COL22A1: variants seen among roughly 807,000 people sequenced by gnomAD.
COL22A1 encodes the protein collagen alpha-1(XXII) chain.
COL22A1 carries 221 observed loss-of-function variants against 248.9 expected under a neutral mutation model. That is an observed-to-expected ratio of 0.89 (90% CI 0.80 to 0.99). The LOEUF (loss-of-function observed/expected upper bound fraction) is 0.99, where lower values mean the gene tolerates loss of function less well. COL22A1 is among the 50% of genes least tolerant of loss of function. The pLI, the probability that COL22A1 is intolerant of heterozygous loss-of-function variation, is 0.00. For synonymous variants in COL22A1, 891 were observed against 793.4 expected (o/e 1.12, Z -2.07); for missense variants, 2,240 against 2,179.0 (o/e 1.03, Z -0.56).
At chr8:138,805,498 T>TGTGATGGTGTGA (rs1454267773) in intron 10 of COL22A1, among the ~76,000 whole-genome samples, 1 of 144,064 alleles carries the variant, frequency 6.9e-6, no homozygotes, top group African/African-American at 2.8e-5. Context: ...TGATGGTGTG[T>TGTGATGGTGTGA]GTGTGTGATG....
chr8:138,870,113 T>C (rs1246457137), intron 3 of COL22A1, among the ~76,000 whole-genome samples: 1 of 151,560 alleles, frequency 6.6e-6, no homozygotes, highest in Non-Finnish European at 1.5e-5. Context: ...GTGTGGAGCA[T>C]GTGTCTGTGT....
chr8:138,897,063 C>G (rs532020182), intron 1 of COL22A1, among the ~76,000 whole-genome samples: 19 of 152,176 alleles, frequency 1.2e-4, no homozygotes, highest in Admixed American at 1.0e-3. Context: ...TGTAAGGCAG[C>G]CTTATCATTC....
chr8:138,679,288 T>C (rs1825788228), intron 40 of COL22A1, among the ~76,000 whole-genome samples: 1 of 152,242 alleles, frequency 6.6e-6, no homozygotes, highest in Non-Finnish European at 1.5e-5. Flanking sequence ...CAGATTTTCC[T>C]GTTATTCTTA....
At chr8:138,808,869 C>T (rs1222099395) in intron 9 of COL22A1, among the ~76,000 whole-genome samples, 1 of 152,202 alleles carries the variant, frequency 6.6e-6, no homozygotes, top group African/African-American at 2.4e-5. Flanking sequence ...CACAAGAGTG[C>T]CTGGTACACA....
intron 47 of COL22A1, among the ~76,000 whole-genome samples, chr8:138,644,569 CA>C (rs1457311079): frequency 6.6e-6 from 1 of 152,054 alleles, no homozygotes; most frequent in Non-Finnish European, 1.5e-5. Context: ...CAGTTTTGGC[CA>C]ACTCACAGAG....
At chr8:138,896,693 C>G (rs1487676904) in intron 1 of COL22A1, among the ~76,000 whole-genome samples, 1 of 152,110 alleles carries the variant, frequency 6.6e-6, no homozygotes, top group Non-Finnish European at 1.5e-5. Context: ...CCATTCAAGG[C>G]CAGACGCGGT....
intron 31 of COL22A1, among the ~76,000 whole-genome samples, 184 bp downstream of exon 31, chr8:138,703,122 G>A (rs1828101844): frequency 6.6e-6 from 1 of 152,194 alleles, no homozygotes; most frequent in Non-Finnish European, 1.5e-5. Context: ...AAATCAATAA[G>A]CATAGGATGG....
At chr8:138,854,102 G>A (rs1472689513) in intron 3 of COL22A1, among the ~76,000 whole-genome samples, 1 of 152,184 alleles carries the variant, frequency 6.6e-6, no homozygotes, top group African/African-American at 2.4e-5. Flanking sequence ...GGATGATGGT[G>A]CAAGGGTGTC....
At chr8:138,720,865 C>T in intron 26 of COL22A1, 73 bp from the exon 27 acceptor site, 1 of 1,261,822 alleles carries the variant, frequency 7.9e-7, no homozygotes, top group Non-Finnish European at 1.2e-6. Context: ...GTACTAGGCA[C>T]AGGTTGGAAG....
At chr8:138,693,780 A>G in intron 34 of COL22A1, 81 bp from the exon 35 acceptor site, 1 of 1,424,512 alleles carries the variant, frequency 7.0e-7, no homozygotes, top group Non-Finnish European at 9.7e-7. Context: ...GGTCTCGGGA[A>G]TACCGTGCTC....
At position 138,722,602 on chromosome 8, in the gene COL22A1, G is replaced by A. The variant is rs564524910; in HGVS notation, c.2248-513C>T. On this transcript the variant is annotated intron_variant, in intron 25 of 64. Coordinates refer to ENST00000303045, the MANE Select transcript of COL22A1 (RefSeq NM_152888.3). ...GAATGCCAGCACTGAGGAGCTCCAC[G>A]TTATACTTTCCAACACCAGGAGTTT... Among the ~76,000 whole-genome samples, 5 of 152,218 alleles carry A rather than the reference G, an allele frequency of 3.3e-5. No individual in the cohort carries two copies. In the South Asian group the frequency reaches 6.2e-4, roughly 19 times the overall value.
chr8:138,596,499 C>G (rs1035834862), intron 62 of COL22A1, among the ~76,000 whole-genome samples: 1 of 152,210 alleles, frequency 6.6e-6, no homozygotes, highest in African/African-American at 2.4e-5. Context: ...TTAAGAACCT[C>G]TATTGACTTT....
intron 1 of COL22A1, among the ~76,000 whole-genome samples, chr8:138,902,085 G>A (rs1177929062): frequency 6.6e-6 from 1 of 152,128 alleles, no homozygotes; most frequent in Non-Finnish European, 1.5e-5. Context: ...CACAGGGGAG[G>A]AAGAGGCATG....
chr8:138,751,402 A>G, intron 22 of COL22A1, 56 bp downstream of exon 22: 5 of 1,246,428 alleles, frequency 4.0e-6, no homozygotes, highest in Non-Finnish European at 5.8e-6. Context: ...GGCATTATAA[A>G]ATAGGGACCA....
chr8:138,751,220 A>C (rs1015843190), intron 22 of COL22A1, among the ~76,000 whole-genome samples: 3 of 152,190 alleles, frequency 2.0e-5, no homozygotes, highest in East Asian at 1.9e-4. Flanking sequence ...ATGTCTCTCT[A>C]TATATGACTC....
At chr8:138,636,651 G>A in intron 48 of COL22A1, 91 bp downstream of exon 48, 1 of 921,064 alleles carries the variant, frequency 1.1e-6, no homozygotes, top group South Asian at 1.4e-5. Flanking sequence ...GCAAAGAAGA[G>A]ACAAGGAATG....
At chr8:138,686,794 T>G (rs1826393343) in intron 37 of COL22A1, among the ~76,000 whole-genome samples, 1 of 152,202 alleles carries the variant, frequency 6.6e-6, no homozygotes, top group Non-Finnish European at 1.5e-5. Context: ...ACCAATGTCC[T>G]ACTTATAATG....
intron 16 of COL22A1, among the ~76,000 whole-genome samples, chr8:138,772,743 C>T (rs113234239): frequency 0.062 from 9,503 of 152,212 alleles, 943 homozygotes; most frequent in African/African-American, 0.21. Flanking sequence ...TGCCTGTAGT[C>T]CCAGCTACTC....
At chr8:138,730,208 T>A (rs1002916112) in intron 23 of COL22A1, among the ~76,000 whole-genome samples, 6 of 152,208 alleles carry the variant, frequency 3.9e-5, no homozygotes, top group African/African-American at 1.4e-4. Flanking sequence ...CTGGGAAGAT[T>A]CACACCTTGG....
Sources: gnomAD v4.1 joint callset for allele counts (sites outside exome capture counted in the v4.1 genomes callset) on GRCh38, gnomAD v4.1.1 for gene constraint, MANE v1.5 for transcripts, NCBI Gene and HGNC (gene_info 2026-07-23, HGNC 2026-07-21) for gene names.